The following EFR3B variants were observed in gnomAD, a reference collection of about 807,000 sequenced individuals.
EFR3B encodes the protein protein EFR3 homolog B.
In EFR3B, 64 loss-of-function variants were observed where a neutral mutation model predicts 104.7. The ratio of observed to expected loss-of-function variants is 0.61; its 90% confidence interval spans 0.50 to 0.75. The LOEUF (loss-of-function observed/expected upper bound fraction) is 0.75. Among genes scored for constraint, EFR3B ranks in the 30% least tolerant of loss-of-function variants. EFR3B has a pLI of 0.00. For missense variants in EFR3B, 750 were observed against 1,078.5 expected (o/e 0.70, Z 4.27); for synonymous variants, 385 against 417.9 (o/e 0.92, Z 0.96).
At chr2:25,067,478 A>C (rs755858535) in intron 1 of EFR3B, among the ~76,000 whole-genome samples, 13 of 147,886 alleles carry the variant, frequency 8.8e-5, no homozygotes, top group Non-Finnish European at 4.4e-5. Context: ...TCTGTTGCCC[A>C]GGCTGGAGTG....
chr2:25,127,618 C>G (rs1239027271), intron 5 of EFR3B, among the ~76,000 whole-genome samples: 1 of 152,108 alleles, frequency 6.6e-6, no homozygotes, highest in Non-Finnish European at 1.5e-5. Flanking sequence ...GGGCTCCCTC[C>G]CACAGAGCTG....
chr2:25,081,487 C>T, intron 1 of EFR3B: 1 of 1,436,396 alleles, frequency 7.0e-7, no homozygotes, highest in Non-Finnish European at 9.7e-7. Flanking sequence ...AACGGAGACA[C>T]CAGCTTCTTG....
chr2:25,134,181 T>A lies in EFR3B; in HGVS notation c.1311+747T>A, dbSNP rs577008753. ...TCACAGTAGGTCTCAGTTTATATTT[T>A]TTTTTTTTTTTTTTTGAGATGGAGT... On this transcript the variant is annotated intron_variant, in intron 12 of 22. Transcript: ENST00000403714. Among the ~76,000 whole-genome samples the A allele has an allele frequency of 3.3e-3, 493 of 150,252 alleles. 3 individuals carry two copies. The highest frequency in any genetic ancestry group is 8.7e-3 in the African/African-American group (353 of 40,442).
In EFR3B at chr2:25,153,773, C is replaced by A. The variant is rs945767330; in HGVS notation, c.2348+12C>A. The A allele has an allele frequency of 6.4e-7, 1 of 1,551,660 alleles. No individual in the cohort carries two copies. The highest frequency in any genetic ancestry group is 8.7e-7 in the Non-Finnish European group (1 of 1,146,986). On this transcript the variant is annotated intron_variant, in intron 22 of 22. Coordinates refer to ENST00000403714, the MANE Select transcript of EFR3B (RefSeq NM_014971.2). ...GAAATCACCATCCGGTAAGTGACAA[C>A]CCTGGGCAGGGGACCCTGACCTCCG...
In EFR3B at chr2:25,133,010, AC is replaced by A. The variant is rs1217625260; in HGVS notation, c.1256del (p.Thr419ArgfsTer8). ...SLHQAVDTGRTGENRNRLTQI... is the reference protein window; with the variant it reads ...SLHQAVDTGRXGENRNRLTQI... ...GCACCAGGCGGTGGACACAGGCAGG[AC>A]GGGGTGAGCCACCAATCTCCCCCAG... On this transcript the variant is annotated frameshift_variant, in exon 11 of 23. Transcript: ENST00000403714. LOFTEE classifies it high-confidence loss of function. The A allele has an allele frequency of 1.9e-6, 3 of 1,551,256 alleles. No homozygotes were observed. The highest frequency in any genetic ancestry group is 2.6e-6 in the Non-Finnish European group (3 of 1,146,800).
intron 1 of EFR3B, among the ~76,000 whole-genome samples, chr2:25,074,704 G>A (rs1298089626): frequency 1.3e-5 from 2 of 148,546 alleles, no homozygotes; most frequent in African/African-American, 2.5e-5. Context: ...TGCAACCTCC[G>A]TCTCCCAGGT....
chr2:25,128,933 C>T (rs549641265), intron 6 of EFR3B, among the ~76,000 whole-genome samples: 1 of 120,596 alleles, frequency 8.3e-6, no homozygotes, highest in South Asian at 2.7e-4. Flanking sequence ...GCACTTACAG[C>T]CTGGGCGACG....
Position 25,130,194 on chromosome 2 carries a change from G to T in EFR3B, c.770+85G>T. On this transcript the variant is annotated intron_variant, in intron 7 of 22. Transcript: ENST00000403714. This position sits in a 1 kb window ranked among gnomAD's most constrained non-coding sequence, Gnocchi z 4.6. ...CTGGCATCTCCTGGCTGGCTGGGGGGAAGGGGATATTACAGTTGTGGTGCC... is the reference window on the plus strand; with the variant it reads ...CTGGCATCTCCTGGCTGGCTGGGGGTAAGGGGATATTACAGTTGTGGTGCC... 5 of 1,531,330 alleles carry T rather than the reference G, an allele frequency of 3.3e-6. No individual in the cohort carries two copies. Among genetic ancestry groups the T allele is most frequent in the Middle Eastern group, 1.7e-4 (1 of 5,910 alleles). 94.9% of individuals were successfully genotyped at this position (1,531,330 alleles called of 1,614,324 possible). A position where few individuals can be genotyped will look rare whatever the true frequency, so the allele number is the denominator to read the frequency against.
chr2:25,061,685 G>A (rs1434589834), intron 1 of EFR3B, among the ~76,000 whole-genome samples: 2 of 151,398 alleles, frequency 1.3e-5, no homozygotes, highest in African/African-American at 2.4e-5. Context: ...TAGTAGAGAC[G>A]GGATTTCACC....
At chr2:25,073,250 C>T (rs556747399) in intron 1 of EFR3B, among the ~76,000 whole-genome samples, 3 of 152,272 alleles carry the variant, frequency 2.0e-5, no homozygotes, top group South Asian at 2.1e-4. Flanking sequence ...GGGCGTGGCA[C>T]ACCTGCCTGA....
intron 4 of EFR3B, among the ~76,000 whole-genome samples, chr2:25,104,800 A>G (rs1377297543): frequency 1.3e-5 from 2 of 152,240 alleles, no homozygotes; most frequent in African/African-American, 4.8e-5. Flanking sequence ...TCTTTTCATC[A>G]GTACCATGAG....
intron 1 of EFR3B, among the ~76,000 whole-genome samples, chr2:25,046,693 C>T (rs1667729415): frequency 6.6e-6 from 1 of 151,166 alleles, no homozygotes; most frequent in South Asian, 2.1e-4. Flanking sequence ...TTAGTAGAGA[C>T]GGGGTTTCAC....
chr2:25,074,219 G>A (rs962076482), intron 1 of EFR3B, among the ~76,000 whole-genome samples: 1 of 152,114 alleles, frequency 6.6e-6, no homozygotes, highest in Admixed American at 6.6e-5. Context: ...TGCCTCCATG[G>A]CCCATCAGAC....
intron 5 of EFR3B, among the ~76,000 whole-genome samples, chr2:25,126,655 C>T (rs1015764481): frequency 2.6e-5 from 4 of 151,704 alleles, no homozygotes; most frequent in South Asian, 4.2e-4. Flanking sequence ...TCACCGCGCC[C>T]GGCCTAATGT....
intron 1 of EFR3B, among the ~76,000 whole-genome samples, chr2:25,088,366 C>T (rs971839287): frequency 5.9e-5 from 9 of 152,082 alleles, no homozygotes; most frequent in African/African-American, 1.4e-4. Flanking sequence ...GGAAGTGGCA[C>T]GTGTTTCAGA....
At chr2:25,080,318 G>A (rs927163095) in intron 1 of EFR3B, 4 of 473,104 alleles carry the variant, frequency 8.5e-6, no homozygotes, top group Non-Finnish European at 9.1e-6. Flanking sequence ...TTTTGAGATG[G>A]AGTTTTGCTC....
intron 4 of EFR3B, among the ~76,000 whole-genome samples, chr2:25,115,501 G>GT (rs1040154964): frequency 2.0e-5 from 3 of 152,168 alleles, no homozygotes; most frequent in African/African-American, 7.2e-5. Flanking sequence ...GCTGAAAATC[G>GT]TATCAGATAA....
intron 1 of EFR3B, chr2:25,081,557 C>G (rs375361586): frequency 3.2e-6 from 3 of 948,304 alleles, no homozygotes; most frequent in African/African-American, 3.2e-5. Context: ...TGCTGCTGTA[C>G]TTGGAGTCCA....
At chr2:25,092,439 C>T (rs1380628077) in intron 2 of EFR3B, among the ~76,000 whole-genome samples, 3 of 113,358 alleles carry the variant, frequency 2.6e-5, no homozygotes, top group African/African-American at 8.3e-5. Context: ...CACACACACA[C>T]ACACGGTATA....
Sources: allele counts gnomAD v4.1 joint callset (sites outside exome capture counted in the v4.1 genomes callset), GRCh38; gene constraint gnomAD v4.1.1; non-coding constraint Gnocchi (gnomAD v3.1); transcripts MANE v1.5; gene names NCBI Gene and HGNC (gene_info 2026-07-23, HGNC 2026-07-21).